Variants in INSR observed in about 807,000 individuals in gnomAD.
INSR encodes insulin receptor, also known as IR.
Under a neutral mutation model 142.6 loss-of-function variants are expected in INSR, and 67 were observed. The ratio of observed to expected loss-of-function variants is 0.47; its 90% confidence interval spans 0.39 to 0.58. INSR has a LOEUF of 0.58. Among genes scored for constraint, INSR ranks in the 20% least tolerant of loss-of-function variants. The probability of loss-of-function intolerance (pLI) is 0.00; values close to 1 mark genes in which losing one functional copy is unlikely to be tolerated. For synonymous variants in INSR, 756 were observed against 743.1 expected, an observed-to-expected ratio of 1.02 and a Z score of -0.28; for missense variants, 1,248 against 1,833.2, an observed-to-expected ratio of 0.68 and a Z score of 5.83.
rs569823127 is a variant in INSR at position 7,259,395 on chromosome 19, T to G, written c.652+7950A>C. On this transcript the variant is annotated intron_variant, in intron 2 of 21. Coordinates refer to ENST00000302850, the MANE Select transcript of INSR (RefSeq NM_000208.4). ...TTGGAAGTAGAAGTTGCTTAACCTC[T>G]CGAAGCCTTAGTGGTCTCAACAATA... Among the ~76,000 whole-genome samples, 150 of 152,152 alleles carry G rather than the reference T, an allele frequency of 9.9e-4. 1 individual carries two copies. The highest frequency in any genetic ancestry group is 3.6e-3 in the African/African-American group (148 of 41,516).
chr19:7,147,596 T>C (rs536588993), intron 11 of INSR, among the ~76,000 whole-genome samples: 2 of 152,312 alleles, frequency 1.3e-5, no homozygotes, highest in African/African-American at 4.8e-5. Flanking sequence ...AATCCTACTT[T>C]GGGGGCATTT....
intron 9 of INSR, among the ~76,000 whole-genome samples, chr19:7,156,304 G>A (rs1568452791): frequency 6.6e-6 from 1 of 151,798 alleles, no homozygotes; most frequent in Admixed American, 6.6e-5. Flanking sequence ...CATGTGATCT[G>A]CCCACCTCGG....
At chr19:7,147,832 G>C (rs1973221200) in intron 11 of INSR, among the ~76,000 whole-genome samples, 1 of 152,050 alleles carries the variant, frequency 6.6e-6, no homozygotes, top group Non-Finnish European at 1.5e-5. Flanking sequence ...ATGTAAAATG[G>C]GCTCATCAAA....
At chr19:7,231,354 G>A (rs1975972656) in intron 2 of INSR, among the ~76,000 whole-genome samples, 1 of 143,808 alleles carries the variant, frequency 7.0e-6, no homozygotes, top group Non-Finnish European at 1.5e-5. Flanking sequence ...AGGCTCTAGT[G>A]CGGTGGTGTG....
chr19:7,151,017 CTT>C (rs1214860545), intron 10 of INSR, among the ~76,000 whole-genome samples: 8 of 144,818 alleles, frequency 5.5e-5, no homozygotes, highest in African/African-American at 1.5e-4. Context: ...CATTTGCTTT[CTT>C]TCTCTTTCCT....
rs889981351 is a variant in INSR, at chr19:7,150,029, G to A, written c.2267+468C>T. 2.0e-5 allele frequency among the ~76,000 whole-genome samples: 3 copies of A among 151,952 alleles called. No individual in the cohort carries two copies. The highest frequency in any genetic ancestry group is 7.3e-5 in the African/African-American group (3 of 41,334). On this transcript the variant is annotated intron_variant, in intron 11 of 21. Coordinates refer to ENST00000302850, the MANE Select transcript of INSR (RefSeq NM_000208.4). The surrounding 1 kb of genome is among the most constrained non-coding windows in gnomAD (Gnocchi z 4.2). Reference sequence around the variant, plus strand: ...CTCCGTGGAATTCAGTGAGCGACACGGTGTTCTTTTGTTCATACCCTGTCG... The same window carrying A: ...CTCCGTGGAATTCAGTGAGCGACACAGTGTTCTTTTGTTCATACCCTGTCG...
At position 7,184,340 on chromosome 19, in the gene INSR, G is replaced by A; in HGVS notation, c.950C>T (p.Ser317Phe). The A allele has an allele frequency of 6.2e-7, 1 of 1,613,918 alleles. No homozygotes were observed. The highest frequency in any genetic ancestry group is 8.5e-7 in the Non-Finnish European group (1 of 1,180,006). Residue 317 changes from serine (S) to phenylalanine (F), a missense_variant, in exon 3 of 22, where the codon TCC (serine) becomes TTC (phenylalanine). Physicochemically the swap from Ser to Phe is radical, Grantham distance 155. Transcript: ENST00000302850. ...CTTGCTGGAATTCATCGTGTACCCGGAGGGACACTCAGGGATGCACTTGTT... is the reference window on the plus strand; with the variant it reads ...CTTGCTGGAATTCATCGTGTACCCGAAGGGACACTCAGGGATGCACTTGTT... ...HNNKCIPECP[S>F]GYTMNSSNLL...
chr19:7,244,148 C>A (rs1976453020), intron 2 of INSR, among the ~76,000 whole-genome samples: 1 of 152,114 alleles, frequency 6.6e-6, no homozygotes. Context: ...GTAGCCATAA[C>A]TAACACAACA....
In INSR at chr19:7,120,711, A is replaced by G. The variant is rs1448499462; in HGVS notation, c.3568T>C (p.Tyr1190His). ...AGCAGACCCTTGCCCCCTTTCCGGT[A>G]GTAATCCGTTTCATAGATGTCTCTG... is the stretch of plus-strand genomic sequence containing the variant. ...MTRDIYETDY[Y>H]RKGGKGLLPV... The change falls in exon 20 of 22, where the codon TAC becomes CAC. Residue 1190 changes from tyrosine (Y) to histidine (H), a missense_variant. By Grantham distance (83) the Tyr-to-His change is moderately conservative. Around this residue, in one of 3 missense-constraint regions of INSR, gnomAD observed 1,069 missense variants for 1,654.0 expected, o/e 0.65. Coordinates refer to ENST00000302850, the MANE Select transcript of INSR (RefSeq NM_000208.4). 1 of 1,613,992 alleles carries G rather than the reference A, an allele frequency of 6.2e-7. No individual in the cohort carries two copies. The highest frequency in any genetic ancestry group is 8.5e-7 in the Non-Finnish European group (1 of 1,180,010).
At chr19:7,145,335 G>C (rs1465246770) in intron 11 of INSR, among the ~76,000 whole-genome samples, 1 of 151,858 alleles carries the variant, frequency 6.6e-6, no homozygotes, top group Non-Finnish European at 1.5e-5. Flanking sequence ...TTCTAGATGG[G>C]GTTATTATGA....
chr19:7,132,644 C>T (rs7247119), intron 13 of INSR, among the ~76,000 whole-genome samples: 35,225 of 149,934 alleles, frequency 0.23, 4,240 homozygotes, highest in Middle Eastern at 0.32. Flanking sequence ...CAGGCTGGAG[C>T]GCAATGGCTT....
At chr19:7,169,357 G>C (rs1460829895) in intron 6 of INSR, among the ~76,000 whole-genome samples, 2 of 151,826 alleles carry the variant, frequency 1.3e-5, no homozygotes, top group African/African-American at 4.8e-5. Context: ...ATCACCTGAG[G>C]TCAGGAGTTC....
intron 2 of INSR, among the ~76,000 whole-genome samples, chr19:7,185,753 G>C (rs922472763): frequency 7.1e-6 from 1 of 141,066 alleles, no homozygotes; most frequent in Non-Finnish European, 1.5e-5. Flanking sequence ...TGAGGCACGA[G>C]AATCACTTGA....
chr19:7,220,651 G>A (rs1021031945), intron 2 of INSR, among the ~76,000 whole-genome samples: 1 of 152,064 alleles, frequency 6.6e-6, no homozygotes, highest in Non-Finnish European at 1.5e-5. Flanking sequence ...ATGCCCATTC[G>A]AAAAACTGGG....
chr19:7,269,432 T>G (rs1248310481), intron 1 of INSR, among the ~76,000 whole-genome samples: 1 of 144,686 alleles, frequency 6.9e-6, no homozygotes. Flanking sequence ...CACACTTGCT[T>G]GCTAGGAAGT....
chr19:7,220,431 C>T (rs1365825635), intron 2 of INSR, among the ~76,000 whole-genome samples: 1 of 152,176 alleles, frequency 6.6e-6, no homozygotes, highest in African/African-American at 2.4e-5. Context: ...GCTGGGGCTA[C>T]AGGCGCGCCA....
At position 7,143,086 on chromosome 19, in the gene INSR, A is replaced by G; in HGVS notation, c.2272T>C (p.Ser758Pro). Reference sequence around the variant, plus strand: ...TCGCCAAGGGACCTGCGTTTCCGAGATGGCCTGGAACGACAGTAGGACATG... The same window carrying G: ...TCGCCAAGGGACCTGCGTTTCCGAGGTGGCCTGGAACGACAGTAGGACATG... ...SGTGAEDPRPSRKRRSLGDVG... is the reference protein window; with the variant it reads ...SGTGAEDPRPPRKRRSLGDVG... The change falls in exon 12 of 22, where the codon TCT (serine) becomes CCT (proline). Residue 758 changes from serine (S) to proline (P), a missense_variant. This residue lies in a region of INSR where 1,069 missense variants were observed against 1,654.0 expected (regional missense o/e 0.65). Coordinates refer to ENST00000302850, the MANE Select transcript of INSR (RefSeq NM_000208.4). 1 of 1,614,166 alleles carries G rather than the reference A, an allele frequency of 6.2e-7. No individual in the cohort carries two copies. The highest frequency in any genetic ancestry group is 2.2e-5 in the East Asian group (1 of 44,884).
chr19:7,244,134 C>T (rs1234676983), intron 2 of INSR, among the ~76,000 whole-genome samples: 2 of 152,116 alleles, frequency 1.3e-5, no homozygotes, highest in African/African-American at 4.8e-5. Context: ...ATATGCTATT[C>T]ATAGTAGCCA....
At chr19:7,256,925 C>T (rs1359910153) in intron 2 of INSR, among the ~76,000 whole-genome samples, 2 of 146,068 alleles carry the variant, frequency 1.4e-5, no homozygotes, top group African/African-American at 5.1e-5. Flanking sequence ...ACATGCTCTA[C>T]CCTACCTTTT....
Sources: gnomAD v4.1 joint callset for allele counts (sites outside exome capture counted in the v4.1 genomes callset) on GRCh38, gnomAD v4.1.1 for gene constraint, gnomAD v4.1.1 regional missense constraint, Gnocchi (gnomAD v3.1) non-coding constraint, MANE v1.5 for transcripts, NCBI Gene and HGNC (gene_info 2026-07-23, HGNC 2026-07-21) for gene names.